The following PKIB variants were observed in gnomAD, a reference collection of about 807,000 sequenced individuals.
PKIB encodes PKI-beta.
In PKIB, 2 loss-of-function variants were observed where a neutral mutation model predicts 4.5. That is an observed-to-expected ratio of 0.44 (90% CI 0.18 to 1.39). The LOEUF is 1.39. Among genes scored for constraint, PKIB ranks in the 40% most tolerant of loss-of-function variants. PKIB has a pLI of 0.27. For missense variants in PKIB, 94 were observed against 92.6 expected (o/e 1.02, Z -0.06); for synonymous variants, 38 against 36.0 (o/e 1.06, Z -0.20).
chr6:122,697,158 T>C lies in PKIB; in HGVS notation c.-8-20629T>C, dbSNP rs979589741. The stretch of plus-strand genomic sequence containing the variant: ...GGTGCTCCCAGTTCTTGTGGAATGA[T>C]GTGATTCACTTGTTTGATTTGGCAG... On this transcript the variant is annotated intron_variant, in intron 3 of 4. Transcript: ENST00000368452. 3.9e-5 allele frequency among the ~76,000 whole-genome samples: 6 copies of C among 152,214 alleles called. No homozygotes were observed. The Middle Eastern group carries it at 0.01, about 259-fold the overall frequency.
At chr6:122,488,365 A>C (rs894500255) in intron 2 of PKIB, among the ~76,000 whole-genome samples, 1 of 150,840 alleles carries the variant, frequency 6.6e-6, no homozygotes, top group Non-Finnish European at 1.5e-5. Flanking sequence ...AAACGGGGAA[A>C]CCCCCCACCT....
chr6:122,717,925 A>G lies in PKIB; in HGVS notation c.131A>G (p.Asp44Gly), dbSNP rs182893341. 2.5e-4 allele frequency: 396 copies of G among 1,613,882 alleles called. 1 individual carries two copies. The highest frequency in any genetic ancestry group is 4.2e-4 in the Admixed American group (25 of 60,012). ...TCAGCTGCCACAGACGGAACCTCAG[A>G]TTTGCCCCTCAAACTGGAGGCTCTC... is the stretch of plus-strand genomic sequence containing the variant. ...QSSAATDGTS[D>G]LPLKLEALSV... The change falls in exon 4 of 5, where the codon GAT (aspartate) becomes GGT (glycine). Residue 44 changes from aspartate (D) to glycine (G), a missense_variant. By Grantham distance (94) the Asp-to-Gly change is moderately conservative. Transcript: ENST00000368452.
chr6:122,697,660 T>C (rs1360306757), intron 3 of PKIB, among the ~76,000 whole-genome samples: 1 of 152,114 alleles, frequency 6.6e-6, no homozygotes, highest in Non-Finnish European at 1.5e-5. Context: ...ATTTGTCTCA[T>C]TGTGACTTAA....
chr6:122,671,081 C>T (rs1276267623), intron 2 of PKIB, among the ~76,000 whole-genome samples: 2 of 152,096 alleles, frequency 1.3e-5, no homozygotes, highest in African/African-American at 4.8e-5. Context: ...ATCACGAGGT[C>T]AGGAGATAGA....
At chr6:122,571,956 A>T (rs374691891) in intron 2 of PKIB, among the ~76,000 whole-genome samples, 20 of 152,224 alleles carry the variant, frequency 1.3e-4, no homozygotes, top group African/African-American at 4.8e-4. Context: ...AGAATGGATT[A>T]AAAAACCGCT....
intron 2 of PKIB, chr6:122,480,680 G>A (rs1775587163): frequency 6.6e-6 from 1 of 152,012 alleles, no homozygotes; most frequent in East Asian, 1.9e-4. Flanking sequence ...GGCTATGCCT[G>A]CCTTATATTT....
chr6:122,587,313 G>A (rs1773880485), intron 3 of PKIB, among the ~76,000 whole-genome samples: 1 of 152,136 alleles, frequency 6.6e-6, no homozygotes, highest in South Asian at 2.1e-4. Flanking sequence ...TGCTGAGAAT[G>A]ATGGTTTCCA....
At chr6:122,589,568 G>T (rs1773957553) in intron 3 of PKIB, among the ~76,000 whole-genome samples, 1 of 152,074 alleles carries the variant, frequency 6.6e-6, no homozygotes, top group South Asian at 2.1e-4. Flanking sequence ...ATTTATAAAT[G>T]TATCAGTGTA....
intron 2 of PKIB, among the ~76,000 whole-genome samples, chr6:122,499,802 C>T (rs988552195): frequency 6.6e-6 from 1 of 152,056 alleles, no homozygotes; most frequent in Non-Finnish European, 1.5e-5. Context: ...TAATTCTATA[C>T]CTAGAAAACC....
chr6:122,639,249 A>G (rs578013801), intron 2 of PKIB, among the ~76,000 whole-genome samples: 40 of 152,212 alleles, frequency 2.6e-4, no homozygotes, highest in Admixed American at 3.9e-4. Flanking sequence ...GGGAAAATGG[A>G]AAACAAAACA....
At chr6:122,561,237 T>A (rs1773004077) in intron 2 of PKIB, among the ~76,000 whole-genome samples, 1 of 152,092 alleles carries the variant, frequency 6.6e-6, no homozygotes, top group Non-Finnish European at 1.5e-5. Context: ...TGATAGGTCG[T>A]GTCATTATTG....
intron 2 of PKIB, among the ~76,000 whole-genome samples, chr6:122,667,454 A>G (rs2114932973): frequency 6.6e-6 from 1 of 152,122 alleles, no homozygotes; most frequent in South Asian, 2.1e-4. Context: ...GGAGGATGGC[A>G]TGAACCCGGG....
chr6:122,541,589 G>A (rs1393394510), intron 2 of PKIB, among the ~76,000 whole-genome samples: 33 of 151,986 alleles, frequency 2.2e-4, no homozygotes, highest in Admixed American at 5.2e-4. Flanking sequence ...TGGGTAACCT[G>A]ACCTTTCTCT....
intron 3 of PKIB, among the ~76,000 whole-genome samples, chr6:122,596,333 G>T (rs1028967269): frequency 3.3e-5 from 5 of 152,174 alleles, no homozygotes; most frequent in Non-Finnish European, 5.9e-5. Context: ...TGAGGCCATC[G>T]GTGCAGGCTT....
rs540596832 is a variant in PKIB, at chr6:122,662,368, T to A, written c.-75-12710T>A. ...TTCATTCTTGTTGTCCAGGCTGGAG[T>A]GCAATGGCACAATCTGGGCTCACTG... On this transcript the variant is annotated intron_variant, in intron 2 of 4. Coordinates refer to ENST00000368452, the MANE Select transcript of PKIB (RefSeq NM_181795.3). Among the ~76,000 whole-genome samples, 4 of 134,494 alleles carry A rather than the reference T, an allele frequency of 3.0e-5. 1 individual carries two copies. The South Asian group carries it at 1.1e-3, about 38-fold the overall frequency. The allele number at this position is 134,494 out of a possible 152,430, so 88.2% of individuals were successfully genotyped here.
intron 3 of PKIB, among the ~76,000 whole-genome samples, chr6:122,683,559 G>A (rs7764363): frequency 0.6 from 90,732 of 151,982 alleles, 28,741 homozygotes; most frequent in Non-Finnish European, 0.71. Context: ...TACATCAGAC[G>A]TCAATGAGTA....
At chr6:122,661,251 T>A (rs1264623101) in intron 2 of PKIB, among the ~76,000 whole-genome samples, 8 of 152,138 alleles carry the variant, frequency 5.3e-5, no homozygotes, top group Non-Finnish European at 1.2e-4. Context: ...ATTTAAATAG[T>A]TTCTAGTATA....
At chr6:122,560,964 C>A (rs942028030) in intron 2 of PKIB, among the ~76,000 whole-genome samples, 9 of 151,840 alleles carry the variant, frequency 5.9e-5, no homozygotes, top group African/African-American at 2.2e-4. Flanking sequence ...AATGGTCTAT[C>A]AATTTTATTT....
At chr6:122,485,165 C>A (rs559794731) in intron 2 of PKIB, among the ~76,000 whole-genome samples, 1 of 151,810 alleles carries the variant, frequency 6.6e-6, no homozygotes, top group South Asian at 2.1e-4. Flanking sequence ...AATTAAACTC[C>A]TTTAAATTTA....
Sources: allele counts gnomAD v4.1 joint callset (sites outside exome capture counted in the v4.1 genomes callset), GRCh38; gene constraint gnomAD v4.1.1; transcripts MANE v1.5; gene names NCBI Gene and HGNC (gene_info 2026-07-23, HGNC 2026-07-21).